The following MGAT4C variants were observed in gnomAD, a reference collection of about 807,000 sequenced individuals.
MGAT4C encodes alpha-1,3-mannosyl-glycoprotein 4-beta-N-acetylglucosaminyltransferase C.
Under a neutral mutation model 40.1 loss-of-function variants are expected in MGAT4C, and 19 were observed. The observed-to-expected ratio is 0.47, with a 90% CI of 0.33 to 0.70. The LOEUF is 0.70. Ranked by LOEUF, MGAT4C falls within the 30% of genes least tolerant of loss-of-function variation. The pLI is 0.02. For synonymous variants in MGAT4C, 181 were observed against 187.1 expected (o/e 0.97, Z 0.27); for missense variants, 491 against 563.2 (o/e 0.87, Z 1.30).
chr12:86,647,358 C>T (rs903424812), intron 2 of MGAT4C, among the ~76,000 whole-genome samples: 3 of 151,836 alleles, frequency 2.0e-5, no homozygotes, highest in Non-Finnish European at 4.4e-5. Flanking sequence ...CTAACCTAAG[C>T]CAAACTTGCT....
At chr12:86,667,577 C>T (rs1430860010) in intron 2 of MGAT4C, among the ~76,000 whole-genome samples, 2 of 152,054 alleles carry the variant, frequency 1.3e-5, no homozygotes, top group Non-Finnish European at 2.9e-5. Context: ...TGGCAAAAAC[C>T]GCATTTACTT....
intron 3 of MGAT4C, among the ~76,000 whole-genome samples, chr12:86,347,871 G>T (rs1012625539): frequency 1.3e-5 from 2 of 152,032 alleles, no homozygotes; most frequent in African/African-American, 4.8e-5. Flanking sequence ...GAACTTTCAT[G>T]TTCTGTCCTT....
intron 1 of MGAT4C, among the ~76,000 whole-genome samples, chr12:86,834,828 C>T (rs1407761219): frequency 1.3e-5 from 2 of 151,904 alleles, no homozygotes; most frequent in Non-Finnish European, 2.9e-5. Flanking sequence ...GCACTGTCAA[C>T]AGACACTGTC....
chr12:86,835,135 T>TC (rs1953010904), intron 1 of MGAT4C, among the ~76,000 whole-genome samples: 1 of 151,880 alleles, frequency 6.6e-6, no homozygotes. Context: ...TGAATTTATT[T>TC]CCCCATATAA....
chr12:86,268,678 T>TAC (rs1407023997), intron 4 of MGAT4C, among the ~76,000 whole-genome samples: 8 of 139,916 alleles, frequency 5.7e-5, no homozygotes, highest in Admixed American at 3.5e-4. Flanking sequence ...TATATATATA[T>TAC]ACATATATAC....
chr12:86,114,112 C>T (rs1447591562), intron 1 of MGAT4C, among the ~76,000 whole-genome samples: 2 of 151,858 alleles, frequency 1.3e-5, no homozygotes, highest in Non-Finnish European at 2.9e-5. Context: ...GGAACTCTGC[C>T]TAATCACACA....
rs568766911 is a variant in MGAT4C at position 85,966,908 on chromosome 12, G to T, written c.*12381C>A. 6.7e-6 allele frequency: 1 copy of T among 149,866 alleles called. No homozygotes were observed. The highest frequency in any genetic ancestry group is 2.4e-5 in the African/African-American group (1 of 40,844). The allele number at this position is 149,866 out of a possible 1,614,324, so 9.3% of individuals were successfully genotyped here. A position where few individuals can be genotyped will look rare whatever the true frequency, so the allele number is the denominator to read the frequency against. On this transcript the variant is annotated 3_prime_UTR_variant, in exon 5 of 5. Coordinates refer to ENST00000611864, the MANE Select transcript of MGAT4C (RefSeq NM_001351288.2). ...CTGGGCCTGTTGTGGGGTCAGGGGA[G>T]GGGGGAGGGATAGCATTAGGAGATA... is the stretch of plus-strand genomic sequence containing the variant.
chr12:86,811,364 A>C, intron 1 of MGAT4C, among the ~76,000 whole-genome samples: 1 of 137,992 alleles, frequency 7.2e-6, no homozygotes. Context: ...TTTTCTTGAG[A>C]CAGAGTCTCA....
intron 1 of MGAT4C, among the ~76,000 whole-genome samples, chr12:86,835,170 G>A (rs1953011728): frequency 6.6e-6 from 1 of 151,758 alleles, no homozygotes; most frequent in Non-Finnish European, 1.5e-5. Context: ...GAGTTTTTCT[G>A]TATATTTTAA....
intron 2 of MGAT4C, among the ~76,000 whole-genome samples, chr12:86,011,533 G>A (rs1353883641): frequency 6.6e-6 from 1 of 152,076 alleles, no homozygotes; most frequent in East Asian, 1.9e-4. Context: ...TTACAACAGA[G>A]GAGAGAACCA....
intron 1 of MGAT4C, among the ~76,000 whole-genome samples, chr12:86,774,383 TCTCTCTCTCTCTC>T (rs1951713659): frequency 1.1e-5 from 1 of 87,268 alleles, no homozygotes; most frequent in Non-Finnish European, 2.6e-5. Flanking sequence ...TCTGTCTGTC[TCTCTCTCTCTCTC>T]CTCTCTCTCT....
At position 86,787,101 on chromosome 12, in the gene MGAT4C, C is replaced by T. The variant is rs541751841; in HGVS notation, c.-262+51565G>A. ...AAGTTTGGGCTTTCAGTGCAAGCAT[C>T]ACCAAAGTAATGCACATTGCATACA... is the stretch of plus-strand genomic sequence containing the variant. On this transcript the variant is annotated intron_variant, in intron 1 of 7. Transcript: ENST00000548651. Among the ~76,000 whole-genome samples the T allele has an allele frequency of 5.3e-5, 8 of 152,240 alleles. No individual in the cohort carries two copies. In the East Asian group the frequency reaches 1.4e-3, roughly 26 times the overall value.
intron 2 of MGAT4C, among the ~76,000 whole-genome samples, chr12:86,628,312 G>T (rs1371548929): frequency 6.6e-6 from 1 of 152,140 alleles, no homozygotes; most frequent in Non-Finnish European, 1.5e-5. Flanking sequence ...AACTAAGCTG[G>T]AAAACACTCT....
chr12:86,518,879 T>C (rs1472384968), intron 2 of MGAT4C, among the ~76,000 whole-genome samples: 1 of 152,030 alleles, frequency 6.6e-6, no homozygotes, highest in Non-Finnish European at 1.5e-5. Context: ...AAAAAATCTA[T>C]TGACACACAT....
At chr12:86,470,039 G>A (rs1011188217) in intron 2 of MGAT4C, among the ~76,000 whole-genome samples, 1 of 151,944 alleles carries the variant, frequency 6.6e-6, no homozygotes, top group Non-Finnish European at 1.5e-5. Context: ...TCCGCTGTAT[G>A]TATACACCAC....
In MGAT4C at chr12:86,123,706, C is replaced by T. The variant is rs146635537; in HGVS notation, c.-56-73983G>A. Among the ~76,000 whole-genome samples the T allele has an allele frequency of 6.6e-3, 1,000 of 152,134 alleles. 6 individuals are homozygous for T. The highest frequency in any genetic ancestry group is 0.034 in the East Asian group (177 of 5,178). On this transcript the variant is annotated intron_variant, in intron 1 of 4. Coordinates refer to ENST00000611864, the MANE Select transcript of MGAT4C (RefSeq NM_001351288.2). ...TCTGTAAATGTCTTTATAGTAAAAA[C>T]GATTTGAGTCCTGGACGTGGCATCC...
At chr12:86,090,790 CT>C (rs980197429) in intron 1 of MGAT4C, among the ~76,000 whole-genome samples, 11 of 151,674 alleles carry the variant, frequency 7.3e-5, no homozygotes, top group South Asian at 2.1e-4. Context: ...TTTTTTAATA[CT>C]TTTTTTTGTT....
At chr12:86,302,579 C>A (rs1487260653) in intron 4 of MGAT4C, among the ~76,000 whole-genome samples, 1 of 150,322 alleles carries the variant, frequency 6.7e-6, no homozygotes, top group Non-Finnish European at 1.5e-5. Flanking sequence ...CAGGCATACG[C>A]CAACGTGCCC....
intron 1 of MGAT4C, among the ~76,000 whole-genome samples, chr12:86,746,688 T>G (rs983254223): frequency 6.6e-6 from 1 of 151,634 alleles, no homozygotes; most frequent in Non-Finnish European, 1.5e-5. Flanking sequence ...CTCTGATCCT[T>G]CTACATGCTC....
Sources: gnomAD v4.1 joint callset for allele counts (sites outside exome capture counted in the v4.1 genomes callset) on GRCh38, gnomAD v4.1.1 for gene constraint, MANE v1.5 for transcripts, NCBI Gene and HGNC (gene_info 2026-07-23, HGNC 2026-07-21) for gene names.